The following NLRP3 variants were observed in gnomAD, a reference collection of about 807,000 sequenced individuals.
The protein encoded by NLRP3 is NLR family pyrin domain containing 3, also known as NACHT, LRR and PYD domains-containing protein 3.
NLRP3 carries 48 observed loss-of-function variants against 91.3 expected under a neutral mutation model. The ratio of observed to expected loss-of-function variants is 0.53; its 90% confidence interval spans 0.42 to 0.67. NLRP3 has a LOEUF of 0.67. Among genes scored for constraint, NLRP3 ranks in the 30% least tolerant of loss-of-function variants. The probability of loss-of-function intolerance (pLI) is 0.00; values close to 1 mark genes in which losing one functional copy is unlikely to be tolerated. For synonymous variants in NLRP3, 561 were observed against 507.9 expected, an observed-to-expected ratio of 1.10 and a Z score of -1.41; for missense variants, 982 against 1,276.9, an observed-to-expected ratio of 0.77 and a Z score of 3.52.
chr1:247,443,204 T>C (rs1257163987), intron 7 of NLRP3, among the ~76,000 whole-genome samples: 2 of 152,154 alleles, frequency 1.3e-5, no homozygotes, highest in African/African-American at 2.4e-5. Flanking sequence ...GTGCTGGGAT[T>C]ACAGGCATAA....
Position 247,424,718 on chromosome 1 carries a change from G to A in NLRP3, c.1269G>A (p.Gln423=), listed in dbSNP as rs201035625. 34 of 1,613,992 alleles carry A rather than the reference G, an allele frequency of 2.1e-5. No individual in the cohort carries two copies. Among genetic ancestry groups the A allele is most frequent in the Non-Finnish European group, 2.9e-5 (34 of 1,180,052 alleles). ...CWIVCTGLKQ[Q]MESGKSLAQT... is the part of the protein sequence containing the mutation. ...TCGTGTGCACTGGACTGAAACAGCA[G>A]ATGGAGAGTGGCAAGAGCCTTGCCC... Residue 423 remains glutamine (Q), a synonymous_variant, in exon 4 of 10, where the codon CAG becomes CAA. Coordinates refer to ENST00000336119, the MANE Select transcript of NLRP3 (RefSeq NM_001243133.2). The surrounding 1 kb of genome is among the most constrained non-coding windows in gnomAD (Gnocchi z 8.1).
At chr1:247,423,141 C>T in intron 2 of NLRP3, 89 bp from the exon 3 acceptor site, 11 of 1,575,398 alleles carry the variant, frequency 7.0e-6, no homozygotes, top group Non-Finnish European at 8.7e-6. Context: ...TTTGGGGTCT[C>T]CTCTCTCATG....
At position 247,423,302 on chromosome 1, in the gene NLRP3, G is replaced by A. The variant is rs201683439; in HGVS notation, c.350G>A (p.Gly117Asp). The part of the protein sequence containing the change: ...QEDSIEEEWM[G>D]LLEYLSRISI... ...GACAGCATTGAAGAGGAGTGGATGGGTTTACTGGAGTACCTTTCGAGAATC... is the reference window on the plus strand; with the variant it reads ...GACAGCATTGAAGAGGAGTGGATGGATTTACTGGAGTACCTTTCGAGAATC... The change falls in exon 3 of 10, where the codon GGT becomes GAT. Residue 117 changes from glycine to aspartate, a missense_variant. Gly to Asp is a moderately conservative substitution (Grantham distance 94). Around this residue, in one of 5 missense-constraint regions of NLRP3, gnomAD observed 548 missense variants for 713.7 expected, o/e 0.77. Transcript: ENST00000336119. The A allele has an allele frequency of 4.6e-6, 7 of 1,528,458 alleles. No individual in the cohort carries two copies. The highest frequency in any genetic ancestry group is 3.3e-5 in the South Asian group (3 of 89,896). 94.7% of individuals were successfully genotyped at this position (1,528,458 alleles called of 1,614,324 possible). A position where few individuals can be genotyped will look rare whatever the true frequency, so the allele number is the denominator to read the frequency against.
rs866265539 is a variant in NLRP3 at position 247,429,517 on chromosome 1, C to A, written c.2151-68C>A. 170 of 1,563,580 alleles carry A rather than the reference C, an allele frequency of 1.1e-4. 1 individual carries two copies. The Middle Eastern group carries it at 3.7e-3, about 34-fold the overall frequency. ...TCTGAACTGGTGCCAGGCACCCCGGCCCCCAGCTCCAGTTAGTTATTATTC... is the reference window on the plus strand; with the variant it reads ...TCTGAACTGGTGCCAGGCACCCCGGACCCCAGCTCCAGTTAGTTATTATTC... On this transcript the variant is annotated intron_variant, in intron 4 of 9. Transcript: ENST00000336119.
At chr1:247,427,792 T>C (rs1485433522) in intron 4 of NLRP3, among the ~76,000 whole-genome samples, 2 of 46,704 alleles carry the variant, frequency 4.3e-5, no homozygotes, top group African/African-American at 1.6e-4. Flanking sequence ...CAGCACCCAT[T>C]TCTCTAGATA....
At position 247,424,990 on chromosome 1, in the gene NLRP3, A is replaced by C. The variant is rs1662758809; in HGVS notation, c.1541A>C (p.Lys514Thr). Reference protein sequence around the residue: ...NLFQKEVDCEKFYSFIHMTFQ... With the variant: ...NLFQKEVDCETFYSFIHMTFQ... The stretch of plus-strand genomic sequence containing the variant: ...TTCCAAAAGGAAGTGGACTGCGAGA[A>C]GTTCTACAGCTTCATCCACATGACT... Residue 514 changes from lysine to threonine, a missense_variant, in exon 4 of 10, where the codon AAG becomes ACG. Lys to Thr is a moderately conservative substitution (Grantham distance 78, BLOSUM62 -1). Coordinates refer to ENST00000336119, the MANE Select transcript of NLRP3 (RefSeq NM_001243133.2). The surrounding 1 kb of genome is among the most constrained non-coding windows in gnomAD (Gnocchi z 8.1). 1 of 1,614,084 alleles carries C rather than the reference A, an allele frequency of 6.2e-7. No homozygotes were observed. The highest frequency in any genetic ancestry group is 1.3e-5 in the African/African-American group (1 of 74,932).
intron 5 of NLRP3, among the ~76,000 whole-genome samples, chr1:247,432,542 T>C (rs886259914): frequency 1.1e-4 from 16 of 152,312 alleles, no homozygotes; most frequent in Admixed American, 3.9e-4. Context: ...GTTTGGGACA[T>C]TTAACCTTAT....
At chr1:247,428,885 ATTTTCTTTTTCTTTT>A (rs1663102429) in intron 4 of NLRP3, among the ~76,000 whole-genome samples, 1 of 118,282 alleles carries the variant, frequency 8.5e-6, no homozygotes, top group Admixed American at 8.3e-5. Flanking sequence ...TGGGCTTGCG[ATTTTCTTTTTCTTTT>A]TTTTTTTTTT....
intron 7 of NLRP3, among the ~76,000 whole-genome samples, chr1:247,440,743 C>CT (rs1329447457): frequency 6.6e-6 from 1 of 152,182 alleles, no homozygotes; most frequent in Admixed American, 6.5e-5. Context: ...GCCCAAGTAG[C>CT]TGGGACTATA....
chr1:247,448,099 T>C (rs1002306289), intron 9 of NLRP3, among the ~76,000 whole-genome samples: 1 of 151,216 alleles, frequency 6.6e-6, no homozygotes, highest in Non-Finnish European at 1.5e-5. Flanking sequence ...CTTCAGCCAC[T>C]CCAGGCTGGG....
chr1:247,422,798 A>T (rs539433701), intron 2 of NLRP3, among the ~76,000 whole-genome samples: 1 of 152,186 alleles, frequency 6.6e-6, no homozygotes, highest in Admixed American at 6.5e-5. Context: ...TGTAAAATGG[A>T]TTGCAGGGAA....
chr1:247,429,818 A>G (rs1663178082), intron 5 of NLRP3, 63 bp downstream of exon 5: 2 of 1,578,976 alleles, frequency 1.3e-6, no homozygotes, highest in Admixed American at 1.7e-5. Flanking sequence ...AGAGAGAAAC[A>G]GACTGGAGAA....
intron 4 of NLRP3, among the ~76,000 whole-genome samples, chr1:247,428,319 C>T (rs1196646578): frequency 6.6e-6 from 1 of 152,240 alleles, no homozygotes. Flanking sequence ...ATGGCAGCTG[C>T]CTTACTCTGA....
At chr1:247,446,345 C>T (rs1182736768) in intron 9 of NLRP3, among the ~76,000 whole-genome samples, 3 of 152,188 alleles carry the variant, frequency 2.0e-5, no homozygotes, top group Non-Finnish European at 2.9e-5. Flanking sequence ...AAACGTAACT[C>T]GCATCATATC....
intron 6 of NLRP3, among the ~76,000 whole-genome samples, chr1:247,435,563 C>T (rs1441122507): frequency 5.3e-5 from 8 of 151,944 alleles, no homozygotes; most frequent in South Asian, 2.1e-4. Flanking sequence ...AATGGGAGGG[C>T]GGAGAGTGGG....
In NLRP3 at chr1:247,425,799, A is replaced by C. The variant is rs889731012; in HGVS notation, c.2150+200A>C. 2.8e-5 allele frequency: 17 copies of C among 606,408 alleles called. No individual in the cohort carries two copies. Among genetic ancestry groups the C allele is most frequent in the African/African-American group, 2.8e-4 (15 of 53,986 alleles). 37.6% of individuals were successfully genotyped at this position (606,408 alleles called of 1,614,324 possible). ...GGTGGATAAATGGGATGAGGAAAAA[A>C]AAAATAAAACAAGGAACAAATGTTT... On this transcript the variant is annotated intron_variant, in intron 4 of 9. Transcript: ENST00000336119. This position sits in a 1 kb window ranked among gnomAD's most constrained non-coding sequence, Gnocchi z 4.1.
chr1:247,438,947 T>A (rs144784862), intron 7 of NLRP3, among the ~76,000 whole-genome samples: 1 of 152,122 alleles, frequency 6.6e-6, no homozygotes, highest in East Asian at 1.9e-4. Flanking sequence ...TACAATAGAT[T>A]GTTATATAAT....
rs1338829885 is a variant in NLRP3, at chr1:247,424,977, G to C, written c.1528G>C (p.Val510Leu). The C allele has an allele frequency of 6.2e-7, 1 of 1,614,216 alleles. No individual in the cohort carries two copies. Among genetic ancestry groups the C allele is most frequent in the Admixed American group, 1.7e-5 (1 of 60,028 alleles). ...FLRMNLFQKE[V>L]DCEKFYSFIH... ...GAGGATGAACCTGTTCCAAAAGGAA[G>C]TGGACTGCGAGAAGTTCTACAGCTT... is the stretch of plus-strand genomic sequence containing the variant. Residue 510 changes from valine (V) to leucine (L), a missense_variant, in exon 4 of 10, where the codon GTG becomes CTG. Val to Leu is a conservative substitution (Grantham distance 32). This residue lies in a region of NLRP3 where 548 missense variants were observed against 713.7 expected (regional missense o/e 0.77). Transcript: ENST00000336119. The surrounding 1 kb of genome is among the most constrained non-coding windows in gnomAD (Gnocchi z 8.1).
chr1:247,444,661 T>C lies in NLRP3; in HGVS notation c.2845T>C (p.Cys949Arg). The C allele has an allele frequency of 1.2e-6, 2 of 1,614,048 alleles. No individual in the cohort carries two copies. Among genetic ancestry groups the C allele is most frequent in the South Asian group, 2.2e-5 (2 of 91,074 alleles). Residue 949 changes from cysteine to arginine, a missense_variant, in exon 9 of 10, where the codon TGC (cysteine) becomes CGC (arginine). Cys to Arg is a radical substitution (Grantham distance 180). This residue lies in a region of NLRP3 where 373 missense variants were observed against 431.5 expected (regional missense o/e 0.86). Transcript: ENST00000336119. ...CKLQVLELDN[C>R]NLTSHCCWDL... ...ACCCCCTTTTTGCAGATTAGACAAC[T>C]GCAACCTCACGTCACACTGCTGCTG...
Sources: gnomAD v4.1 joint callset for allele counts (sites outside exome capture counted in the v4.1 genomes callset) on GRCh38, gnomAD v4.1.1 for gene constraint, gnomAD v4.1.1 regional missense constraint, Gnocchi (gnomAD v3.1) non-coding constraint, MANE v1.5 for transcripts, NCBI Gene and HGNC (gene_info 2026-07-23, HGNC 2026-07-21) for gene names.